The following FBXL16 variants were observed in gnomAD, a reference collection of about 807,000 sequenced individuals.
FBXL16 encodes F-box/LRR-repeat protein 16.
In FBXL16, 7 loss-of-function variants were observed where a neutral mutation model predicts 36.7. The ratio of observed to expected loss-of-function variants is 0.19; its 90% confidence interval spans 0.11 to 0.36. The LOEUF (loss-of-function observed/expected upper bound fraction) is 0.36. Ranked by LOEUF, FBXL16 falls within the 10% of genes least tolerant of loss-of-function variation. The pLI is 1.00. For missense variants in FBXL16, 463 were observed against 659.4 expected, an observed-to-expected ratio of 0.70 and a Z score of 3.26; for synonymous variants, 355 against 308.7, an observed-to-expected ratio of 1.15 and a Z score of -1.57.
In FBXL16 at chr16:697,999, CA is replaced by C. The variant is rs75619896; in HGVS notation, c.-14-581del. On this transcript the variant is annotated intron_variant, in intron 1 of 5. Coordinates refer to ENST00000397621, the MANE Select transcript of FBXL16 (RefSeq NM_153350.4). This position sits in a 1 kb window ranked among gnomAD's most constrained non-coding sequence, Gnocchi z 4.6. ...TGGGCAACTGAGCAAGACTCTGTCT[CA>C]AAAAAAAAAAAAAGAAACAGTTTCA... 0.033 allele frequency among the ~76,000 whole-genome samples: 4,343 copies of C among 133,072 alleles called. 109 individuals are homozygous for C. The highest frequency in any genetic ancestry group is 0.082 in the African/African-American group (3,018 of 36,582). 87.3% of individuals were successfully genotyped at this position (133,072 alleles called of 152,430 possible).
intron 1 of FBXL16, among the ~76,000 whole-genome samples, chr16:704,294 G>A (rs760983004): frequency 4.6e-5 from 7 of 152,174 alleles, no homozygotes; most frequent in Admixed American, 2.0e-4. Flanking sequence ...TCGTCCAGCC[G>A]CCCCGGAAGT....
chr16:695,319 A>G, intron 3 of FBXL16, 96 bp downstream of exon 3: 9 of 965,838 alleles, frequency 9.3e-6, no homozygotes, highest in African/African-American at 3.5e-5. Context: ...GCCCCGCCGG[A>G]AGCCCCCGCC....
At chr16:700,902 C>T (rs1309889959) in intron 1 of FBXL16, among the ~76,000 whole-genome samples, 1 of 152,200 alleles carries the variant, frequency 6.6e-6, no homozygotes, top group African/African-American at 2.4e-5. Context: ...CCGGCAGCCC[C>T]CGCTCAGCAG....
intron 1 of FBXL16, among the ~76,000 whole-genome samples, chr16:701,596 C>T (rs1024848385): frequency 6.6e-6 from 1 of 152,182 alleles, no homozygotes; most frequent in Non-Finnish European, 1.5e-5. Flanking sequence ...CTGCTTGGCC[C>T]TGGGCCCGGC....
chr16:695,700 G>T lies in FBXL16; in HGVS notation c.857C>A (p.Ala286Asp). The T allele has an allele frequency of 6.2e-7, 1 of 1,604,752 alleles. No individual in the cohort carries two copies. The change falls in exon 3 of 6, where the codon GCC (alanine) becomes GAC (aspartate). Residue 286 changes from alanine (A) to aspartate (D), a missense_variant. Around this residue, in one of 3 missense-constraint regions of FBXL16, gnomAD observed 66 missense variants for 146.3 expected, o/e 0.45. Transcript: ENST00000397621. ...QAYHVTDTAL[A>D]YFTARQGHST... Reference sequence around the variant, plus strand: ...GTGGCCCTGGCGCGCCGTGAAGTAGGCCAGCGCCGTGTCCGTCACGTGGTA... The same window carrying T: ...GTGGCCCTGGCGCGCCGTGAAGTAGTCCAGCGCCGTGTCCGTCACGTGGTA...
chr16:695,358 CGCCCCGTGCA>C (rs1329830238), intron 3 of FBXL16, 47 bp downstream of exon 3: 6 of 1,208,356 alleles, frequency 5.0e-6, no homozygotes, highest in African/African-American at 3.3e-5. Context: ...CGCCCCGCCC[CGCCCCGTGCA>C]GCCCCGCCCG....
chr16:697,169 T>G lies in FBXL16; in HGVS notation c.237A>C (p.Gly79=). ...GCCCAGGTGCCAAGGCTGAGGCTGG[T>G]CCACCTGCCGGGGTGCACGGGCCCC... ...LAGGPCTPAG[G]PASALAPGHP... The change falls in exon 2 of 6, where the codon GGA becomes GGC. Residue 79 remains glycine, a synonymous_variant. Coordinates refer to ENST00000397621, the MANE Select transcript of FBXL16 (RefSeq NM_153350.4). This position sits in a 1 kb window ranked among gnomAD's most constrained non-coding sequence, Gnocchi z 4.6. 1 of 1,569,886 alleles carries G rather than the reference T, an allele frequency of 6.4e-7. No individual in the cohort carries two copies. Among genetic ancestry groups the G allele is most frequent in the Non-Finnish European group, 8.6e-7 (1 of 1,161,900 alleles).
rs1193713080 is a variant in FBXL16, at chr16:695,408, C to T, written c.1142+7G>A. 1.3e-6 allele frequency: 2 copies of T among 1,525,768 alleles called. No homozygotes were observed. The highest frequency in any genetic ancestry group is 1.2e-5 in the South Asian group (1 of 83,616). The allele number at this position is 1,525,768 out of a possible 1,614,324, so 94.5% of individuals were successfully genotyped here. On this transcript the variant is annotated splice_region_variant and intron_variant, in intron 3 of 5. Coordinates refer to ENST00000397621, the MANE Select transcript of FBXL16 (RefSeq NM_153350.4). ...AGCCCCGCCCGGCGCGGCCCGGGGGCGCGCACCTGTCGAGCACGAGCTCCT... is the reference window on the plus strand; with the variant it reads ...AGCCCCGCCCGGCGCGGCCCGGGGGTGCGCACCTGTCGAGCACGAGCTCCT...
rs758939406 is a variant in FBXL16, at chr16:695,524, G to A, written c.1033C>T (p.Leu345=). ...DDGVELVAEN[L]RKLRSLDLSW... The stretch of plus-strand genomic sequence containing the variant: ...AGGTCAAGGCTGCGCAGCTTGCGCA[G>A]GTTCTCGGCCACGAGCTCCACGCCG... Residue 345 remains leucine (L), a synonymous_variant, in exon 3 of 6, where the codon CTG becomes TTG. Transcript: ENST00000397621. 2 of 1,598,878 alleles carry A rather than the reference G, an allele frequency of 1.3e-6. No homozygotes were observed. The highest frequency in any genetic ancestry group is 2.2e-5 in the South Asian group (2 of 90,278).
chr16:693,281 C>T lies in FBXL16; in HGVS notation c.*994G>A, dbSNP rs1439619937. On this transcript the variant is annotated 3_prime_UTR_variant, in exon 6 of 6. Transcript: ENST00000397621. The stretch of plus-strand genomic sequence containing the variant: ...TCGCTGACCCAGTGCTGACCCTGAC[C>T]CTTGGCTGGGTCCACTCTGCAGACT... 1 of 152,302 alleles carries T rather than the reference C, an allele frequency of 6.6e-6. No homozygotes were observed. Among genetic ancestry groups the T allele is most frequent in the Admixed American group, 6.5e-5 (1 of 15,276 alleles). 9.4% of individuals were successfully genotyped at this position (152,302 alleles called of 1,614,324 possible).
At position 697,873 on chromosome 16, in the gene FBXL16, G is replaced by A. The variant is rs376545661; in HGVS notation, c.-14-454C>T. On this transcript the variant is annotated intron_variant, in intron 1 of 5. Transcript: ENST00000397621. The surrounding 1 kb of genome is among the most constrained non-coding windows in gnomAD (Gnocchi z 4.6). Reference sequence around the variant, plus strand: ...AAATTAGCTGGGCATGGTGGCAGGCGCCTGTAGTACCAGCTACTTGGGAGG... The same window carrying A: ...AAATTAGCTGGGCATGGTGGCAGGCACCTGTAGTACCAGCTACTTGGGAGG... Among the ~76,000 whole-genome samples the A allele has an allele frequency of 4.5e-4, 68 of 151,970 alleles. No homozygotes were observed. In the East Asian group the frequency reaches 0.01, roughly 23 times the overall value.
intron 1 of FBXL16, among the ~76,000 whole-genome samples, chr16:700,838 C>T (rs1479717010): frequency 6.6e-6 from 1 of 152,110 alleles, no homozygotes; most frequent in Non-Finnish European, 1.5e-5. Flanking sequence ...CAGGCCCGGG[C>T]TGGCTTCCAC....
At chr16:698,997 C>T (rs1419499388) in intron 1 of FBXL16, among the ~76,000 whole-genome samples, 2 of 151,638 alleles carry the variant, frequency 1.3e-5, no homozygotes, top group Non-Finnish European at 2.9e-5. Flanking sequence ...AAAGAAAGGG[C>T]GGGCATCTTC....
chr16:697,187 C>A lies in FBXL16; in HGVS notation c.219G>T (p.Pro73=). The change falls in exon 2 of 6, where the codon CCG becomes CCT. Residue 73 remains proline (P), a synonymous_variant. Coordinates refer to ENST00000397621, the MANE Select transcript of FBXL16 (RefSeq NM_153350.4). The surrounding 1 kb of genome is among the most constrained non-coding windows in gnomAD (Gnocchi z 4.6). ...AGGCTGGTCCACCTGCCGGGGTGCA[C>A]GGGCCCCCAGCCAGGGCAGCCCGGG... ...PLSRAALAGG[P]CTPAGGPASA... The A allele has an allele frequency of 6.4e-7, 1 of 1,552,266 alleles. No individual in the cohort carries two copies. The highest frequency in any genetic ancestry group is 8.7e-7 in the Non-Finnish European group (1 of 1,154,282).
rs769174917 is a variant in FBXL16 at position 692,684 on chromosome 16, C to A, written c.*1591G>T. 1.3e-5 allele frequency: 2 copies of A among 152,492 alleles called. No homozygotes were observed. Among genetic ancestry groups the A allele is most frequent in the African/African-American group, 2.4e-5 (1 of 41,420 alleles). 9.4% of individuals were successfully genotyped at this position (152,492 alleles called of 1,614,324 possible). A position where few individuals can be genotyped will look rare whatever the true frequency, so the allele number is the denominator to read the frequency against. The stretch of plus-strand genomic sequence containing the variant: ...GTTTTCCTCTCTCCCCTTAATTTTT[C>A]CTCCTACAGTCGTTGGAAATATCAC... On this transcript the variant is annotated 3_prime_UTR_variant, in exon 6 of 6. Transcript: ENST00000397621.
chr16:697,278 T>C lies in FBXL16; in HGVS notation c.128A>G (p.Lys43Arg), dbSNP rs1359370789. The C allele has an allele frequency of 6.6e-7, 1 of 1,523,946 alleles. No homozygotes were observed. Among genetic ancestry groups the C allele is most frequent in the Admixed American group, 2.0e-5 (1 of 50,276 alleles). 94.4% of individuals were successfully genotyped at this position (1,523,946 alleles called of 1,614,324 possible). ...GGGTGGTGGCTGGCAGGGGCGGTTC[T>C]TGGTGGCTGGCGTGCCCTTGGTGAT... The part of the protein sequence containing the change: ...ASITKGTPAT[K>R]NRPCQPPPPP... The change falls in exon 2 of 6, where the codon AAG (lysine) becomes AGG (arginine). Residue 43 changes from lysine (K) to arginine (R), a missense_variant. Physicochemically the swap from Lys to Arg is conservative, Grantham distance 26 (BLOSUM62 2). Transcript: ENST00000397621. The surrounding 1 kb of genome is among the most constrained non-coding windows in gnomAD (Gnocchi z 4.6).
chr16:698,153 AC>A (rs928756778), intron 1 of FBXL16, among the ~76,000 whole-genome samples: 10 of 151,790 alleles, frequency 6.6e-5, no homozygotes, highest in Non-Finnish European at 1.0e-4. Flanking sequence ...TCGGGCGCCC[AC>A]CACCACACCC....
In FBXL16 at chr16:697,445, G is replaced by C; in HGVS notation, c.-14-26C>G. 6.6e-7 allele frequency: 1 copy of C among 1,509,128 alleles called. No homozygotes were observed. Among genetic ancestry groups the C allele is most frequent in the Non-Finnish European group, 8.8e-7 (1 of 1,132,122 alleles). 93.5% of individuals were successfully genotyped at this position (1,509,128 alleles called of 1,614,324 possible). A position where few individuals can be genotyped will look rare whatever the true frequency, so the allele number is the denominator to read the frequency against. ...CTGTGGATGAGGGCCGGGAGGGGGA[G>C]TGAGTCTGTTGCTGAGTCTGGAAGG... On this transcript the variant is annotated intron_variant, in intron 1 of 5. Transcript: ENST00000397621. This position sits in a 1 kb window ranked among gnomAD's most constrained non-coding sequence, Gnocchi z 4.6.
At chr16:701,522 C>T (rs1350328100) in intron 1 of FBXL16, among the ~76,000 whole-genome samples, 1 of 152,244 alleles carries the variant, frequency 6.6e-6, no homozygotes, top group African/African-American at 2.4e-5. Flanking sequence ...CTGAGCTCAA[C>T]TGGAGACTGG....
Sources: gnomAD v4.1 joint callset for allele counts (sites outside exome capture counted in the v4.1 genomes callset) on GRCh38, gnomAD v4.1.1 for gene constraint, gnomAD v4.1.1 regional missense constraint, Gnocchi (gnomAD v3.1) non-coding constraint, MANE v1.5 for transcripts, NCBI Gene and HGNC (gene_info 2026-07-23, HGNC 2026-07-21) for gene names.